The following UNC13C variants were observed in gnomAD, a reference collection of about 807,000 sequenced individuals.
The protein encoded by UNC13C is unc-13 homolog C.
Under a neutral mutation model 245.4 loss-of-function variants are expected in UNC13C, and 174 were observed. That is an observed-to-expected ratio of 0.71 (90% CI 0.63 to 0.80). The LOEUF is 0.80. Ranked by LOEUF, UNC13C falls within the 30% of genes least tolerant of loss-of-function variation. The pLI is 0.00. For missense variants in UNC13C, 2,829 were observed against 2,602.9 expected (o/e 1.09, Z -1.89); for synonymous variants, 992 against 895.1 (o/e 1.11, Z -1.93).
intron 20 of UNC13C, among the ~76,000 whole-genome samples, chr15:54,496,834 G>T (rs977347753): frequency 2.9e-4 from 43 of 150,802 alleles, no homozygotes; most frequent in African/African-American, 1.0e-3. Flanking sequence ...GAAGTTGGGG[G>T]GGAAGGATAA....
At chr15:54,038,120 A>ATTTTTTTTTTTTT (rs1246982047) in intron 2 of UNC13C, among the ~76,000 whole-genome samples, 88 of 45,172 alleles carry the variant, frequency 1.9e-3, no homozygotes, top group African/African-American at 3.7e-3. Context: ...ATATATATAT[A>ATTTTTTTTTTTTT]TATATTTTTT....
intron 4 of UNC13C, among the ~76,000 whole-genome samples, chr15:54,182,419 T>C (rs1252736631): frequency 6.6e-6 from 1 of 152,160 alleles, no homozygotes; most frequent in African/African-American, 2.4e-5. Context: ...TTTGATATGC[T>C]GTTAAATTCA....
rs567054091 is a variant in UNC13C, at chr15:54,156,388, A to G, written c.3071+12704A>G. Among the ~76,000 whole-genome samples the G allele has an allele frequency of 6.2e-4, 94 of 152,344 alleles. 1 individual carries two copies. Among genetic ancestry groups the G allele is most frequent in the African/African-American group, 2.1e-3 (87 of 41,588 alleles). On this transcript the variant is annotated intron_variant, in intron 4 of 32. Transcript: ENST00000260323. ...GGATTTGTAGAAGCCATCACTGCTG[A>G]GAATCATCTGTATAAATCTTTTTAT...
intron 25 of UNC13C, among the ~76,000 whole-genome samples, chr15:54,531,744 G>T (rs1226999995): frequency 6.6e-6 from 1 of 151,760 alleles, no homozygotes; most frequent in Non-Finnish European, 1.5e-5. Flanking sequence ...CATATTCACG[G>T]AATTGTGCAA....
At chr15:54,181,001 G>C (rs1284892648) in intron 4 of UNC13C, among the ~76,000 whole-genome samples, 2 of 151,774 alleles carry the variant, frequency 1.3e-5, no homozygotes, top group Non-Finnish European at 1.5e-5. Context: ...GTTTAATTGG[G>C]TCCTACTTGC....
At chr15:54,325,926 A>G (rs1298134905) in intron 14 of UNC13C, among the ~76,000 whole-genome samples, 1 of 152,014 alleles carries the variant, frequency 6.6e-6, no homozygotes, top group Non-Finnish European at 1.5e-5. Context: ...TAAGGTAAAT[A>G]TAAACATGTT....
At chr15:54,195,077 G>A (rs2034307910) in intron 4 of UNC13C, among the ~76,000 whole-genome samples, 2 of 152,030 alleles carry the variant, frequency 1.3e-5, no homozygotes, top group African/African-American at 4.8e-5. Context: ...AGTGTCTGCA[G>A]TTTTTTTGGT....
chr15:53,954,924 C>T, the UNC13C span, among the ~76,000 whole-genome samples: 50,162 of 151,892 alleles, frequency 0.33, 8,295 homozygotes, highest in African/African-American at 0.35. Flanking sequence ...GCTTTCATAA[C>T]GAAGTCAAAA....
intron 3 of UNC13C, 62 bp from the exon 4 acceptor site, chr15:54,143,558 A>G: frequency 7.2e-7 from 1 of 1,398,126 alleles, no homozygotes; most frequent in South Asian, 1.2e-5. Flanking sequence ...GATTTCGTGT[A>G]CATAAAACTG....
chr15:54,360,221 C>T (rs1418322270), intron 17 of UNC13C, among the ~76,000 whole-genome samples: 1 of 151,932 alleles, frequency 6.6e-6, no homozygotes, highest in Admixed American at 6.6e-5. Context: ...TGTGACCTAA[C>T]ATATGATTTG....
the UNC13C span, among the ~76,000 whole-genome samples, chr15:53,839,199 T>A: frequency 6.6e-6 from 1 of 152,050 alleles, no homozygotes; most frequent in African/African-American, 2.4e-5. Context: ...ATGTTTACTA[T>A]TTTTTACTGT....
chr15:54,129,129 C>A (rs1052368045), intron 2 of UNC13C, among the ~76,000 whole-genome samples: 1 of 152,044 alleles, frequency 6.6e-6, no homozygotes. Flanking sequence ...TTGTTAGTTG[C>A]GTTTAGTGGG....
At chr15:54,423,269 C>T (rs1303678073) in intron 19 of UNC13C, among the ~76,000 whole-genome samples, 2 of 151,538 alleles carry the variant, frequency 1.3e-5, no homozygotes, top group African/African-American at 4.8e-5. Flanking sequence ...GAGTATGAAA[C>T]TTTGTAATTT....
chr15:54,062,739 C>T (rs1056602174), intron 2 of UNC13C, among the ~76,000 whole-genome samples: 2 of 152,196 alleles, frequency 1.3e-5, no homozygotes, highest in South Asian at 2.1e-4. Flanking sequence ...AGAAACTCTA[C>T]TGGTAGAACC....
At chr15:53,993,287 C>T (rs1299731488) in intron 1 of UNC13C, among the ~76,000 whole-genome samples, 2 of 151,988 alleles carry the variant, frequency 1.3e-5, no homozygotes, top group African/African-American at 2.4e-5. Flanking sequence ...CAATATGGTC[C>T]CTGTATTAAA....
intron 30 of UNC13C, among the ~76,000 whole-genome samples, chr15:54,615,590 G>C (rs1900377010): frequency 6.6e-6 from 1 of 152,048 alleles, no homozygotes; most frequent in Admixed American, 6.6e-5. Context: ...ATGTTTGCTA[G>C]TAATTGTGGT....
intron 19 of UNC13C, among the ~76,000 whole-genome samples, chr15:54,423,277 T>C (rs1236622158): frequency 6.6e-6 from 1 of 151,794 alleles, no homozygotes; most frequent in East Asian, 1.9e-4. Context: ...AACTTTGTAA[T>C]TTCATTTAAA....
Position 54,549,535 on chromosome 15 carries a change from A to G in UNC13C, c.5821-100A>G, listed in dbSNP as rs532837148. On this transcript the variant is annotated intron_variant, in intron 27 of 32. Coordinates refer to ENST00000260323, the MANE Select transcript of UNC13C (RefSeq NM_001080534.3). ...GCATCTGGCATAAGCCATAAGTCTT[A>G]TAAGGGAAATAAAGAAATTATCTGT... The G allele has an allele frequency of 4.1e-5, 38 of 918,328 alleles. 1 individual carries two copies. The South Asian group carries it at 6.2e-4, about 15-fold the overall frequency. 56.9% of individuals were successfully genotyped at this position (918,328 alleles called of 1,614,324 possible).
At chr15:54,286,879 C>T (rs536127015) in intron 10 of UNC13C, among the ~76,000 whole-genome samples, 2 of 152,182 alleles carry the variant, frequency 1.3e-5, no homozygotes, top group East Asian at 1.9e-4. Context: ...GAATAAAAGA[C>T]CTTATTCCCA....
Sources: gnomAD v4.1 joint callset for allele counts (sites outside exome capture counted in the v4.1 genomes callset) on GRCh38, gnomAD v4.1.1 for gene constraint, MANE v1.5 for transcripts, NCBI Gene and HGNC (gene_info 2026-07-23, HGNC 2026-07-21) for gene names.